The following BUD13 variants were observed in gnomAD, a reference collection of about 807,000 sequenced individuals.
BUD13 encodes the protein BUD13 spliceosome associated protein.
In BUD13, 47 loss-of-function variants were observed where a neutral mutation model predicts 62.5. The observed-to-expected ratio is 0.75, with a 90% CI of 0.60 to 0.96. BUD13 has a LOEUF of 0.96. Among genes scored for constraint, BUD13 ranks in the 40% least tolerant of loss-of-function variants. The probability of loss-of-function intolerance (pLI) is 0.00; values close to 1 mark genes in which losing one functional copy is unlikely to be tolerated. For synonymous variants in BUD13, 293 were observed against 280.1 expected (o/e 1.05, Z -0.46); for missense variants, 821 against 790.9 (o/e 1.04, Z -0.46).
At chr11:116,766,187 G>A (rs1361937048) in intron 2 of BUD13, among the ~76,000 whole-genome samples, 1 of 152,214 alleles carries the variant, frequency 6.6e-6, no homozygotes, top group Non-Finnish European at 1.5e-5. Context: ...AAGTCCACAT[G>A]ACAAACTTTC....
chr11:116,751,248 A>T (rs1940227136), intron 9 of BUD13, among the ~76,000 whole-genome samples: 1 of 152,220 alleles, frequency 6.6e-6, no homozygotes, highest in Non-Finnish European at 1.5e-5. Context: ...AATCCCTAGT[A>T]CCTACTACCT....
At position 116,757,223 on chromosome 11, in the gene BUD13, T is replaced by TCCCAA; in HGVS notation, c.1688_1689insTTGGG (p.Arg563SerfsTer72). The stretch of plus-strand genomic sequence containing the variant: ...GAGGTGCTGGACCACTGTAGCGAGG[T>TCCCAA]CTCACTAATGAGAGGAGTAAGAAAA... On this transcript the variant is annotated frameshift_variant, in exon 9 of 10. Coordinates refer to ENST00000260210, the MANE Select transcript of BUD13 (RefSeq NM_032725.4). LOFTEE classifies it high-confidence loss of function. 6.2e-7 allele frequency: 1 copy of TCCCAA among 1,613,746 alleles called. No homozygotes were observed. The highest frequency in any genetic ancestry group is 8.5e-7 in the Non-Finnish European group (1 of 1,179,728).
rs201793383 is a variant in BUD13, at chr11:116,763,218, G to A, written c.371C>T (p.Pro124Leu). Residue 124 changes from proline (P) to leucine (L), a missense_variant, in exon 4 of 10, where the codon CCG (proline) becomes CTG (leucine). By Grantham distance (98) the Pro-to-Leu change is moderately conservative. Coordinates refer to ENST00000260210, the MANE Select transcript of BUD13 (RefSeq NM_032725.4). ...PSNRHFRHDT[P>L]DSSPRRVRHG... ...ACGGACCCTCCTAGGAGATGAATCC[G>A]GGGTATCGTGACGAAAATGTCTGTT... 38 of 1,558,160 alleles carry A rather than the reference G, an allele frequency of 2.4e-5. No homozygotes were observed. The highest frequency in any genetic ancestry group is 5.5e-5 in the African/African-American group (4 of 73,098).
At chr11:116,758,981 A>G in intron 6 of BUD13, 93 bp downstream of exon 6, 1 of 895,426 alleles carries the variant, frequency 1.1e-6, no homozygotes, top group Non-Finnish European at 1.8e-6. Context: ...TTTGATAGCA[A>G]TTAAAAGTTC....
At position 116,763,025 on chromosome 11, in the gene BUD13, T is replaced by A. The variant is rs201831610; in HGVS notation, c.564A>T (p.Ser188=). 1.9e-6 allele frequency: 3 copies of A among 1,612,262 alleles called. No individual in the cohort carries two copies. Among genetic ancestry groups the A allele is most frequent in the Non-Finnish European group, 2.5e-6 (3 of 1,179,480 alleles). ...RRIRHDSSDT[S]PPRRARHDSP... is the part of the protein sequence containing the mutation. Reference sequence around the variant, plus strand: ...AATCATGACGGGCCCTCCTTGGGGGTGAAGTGTCTGAGGAGTCATGACGGA... The same window carrying A: ...AATCATGACGGGCCCTCCTTGGGGGAGAAGTGTCTGAGGAGTCATGACGGA... The change falls in exon 4 of 10, where the codon TCA becomes TCT. Residue 188 remains serine (S), a synonymous_variant. Transcript: ENST00000260210.
intron 3 of BUD13, among the ~76,000 whole-genome samples, chr11:116,765,126 A>G (rs45481294): frequency 4.2e-4 from 64 of 152,220 alleles, no homozygotes; most frequent in Non-Finnish European, 7.6e-4. Context: ...CCTCCAAATT[A>G]GTCACCAACC....
In BUD13 at chr11:116,759,137, T is replaced by C; in HGVS notation, c.1297A>G (p.Thr433Ala). 1.2e-6 allele frequency: 2 copies of C among 1,614,128 alleles called. No homozygotes were observed. The highest frequency in any genetic ancestry group is 1.7e-6 in the Non-Finnish European group (2 of 1,180,018). ...TCCTGCTGTTCTCGCTGTATGTCAGTTAACACCAACCCAGTTTTAGCCCCA... is the reference window on the plus strand; with the variant it reads ...TCCTGCTGTTCTCGCTGTATGTCAGCTAACACCAACCCAGTTTTAGCCCCA... ...YSGAKTGLVL[T>A]DIQREQQELK... is the part of the protein sequence containing the mutation. Residue 433 changes from threonine (T) to alanine (A), a missense_variant, in exon 6 of 10, where the codon ACT becomes GCT. Coordinates refer to ENST00000260210, the MANE Select transcript of BUD13 (RefSeq NM_032725.4).
intron 4 of BUD13, among the ~76,000 whole-genome samples, chr11:116,761,785 G>A (rs371279523): frequency 3.0e-4 from 45 of 152,308 alleles, no homozygotes; most frequent in African/African-American, 1.0e-3. Flanking sequence ...AAGTTCTAGC[G>A]ACTGTATAAG....
intron 3 of BUD13, among the ~76,000 whole-genome samples, chr11:116,763,512 C>T (rs1940476887): frequency 6.6e-6 from 1 of 152,000 alleles, no homozygotes; most frequent in Non-Finnish European, 1.5e-5. Flanking sequence ...CATATTATAC[C>T]CTTTAAGGTA....
At chr11:116,772,739 A>C in intron 1 of BUD13, 83 bp downstream of exon 1, 1 of 1,411,718 alleles carries the variant, frequency 7.1e-7, no homozygotes. Context: ...GCCAAGAGGG[A>C]AGGAACTGCC....
In BUD13 at chr11:116,770,149, C is replaced by T. The variant is rs758106000; in HGVS notation, c.217G>A (p.Asp73Asn). Residue 73 changes from aspartate (D) to asparagine (N), a missense_variant, in exon 2 of 10, where the codon GAT (aspartate) becomes AAT (asparagine). By Grantham distance (23) the Asp-to-Asn change is conservative. This residue lies in a region of BUD13 where 800 missense variants were observed against 739.2 expected (regional missense o/e 1.08). Transcript: ENST00000260210. ...TTKLEKEEEEDDGDLPVVAEF... is the reference protein window; with the variant it reads ...TTKLEKEEEENDGDLPVVAEF... Reference sequence around the variant, plus strand: ...CATACCACAGGCAAATCTCCATCATCTTCCTCTTCCTCCTTTTCTAGTTTG... The same window carrying T: ...CATACCACAGGCAAATCTCCATCATTTTCCTCTTCCTCCTTTTCTAGTTTG... 6.2e-7 allele frequency: 1 copy of T among 1,612,914 alleles called. No individual in the cohort carries two copies. Among genetic ancestry groups the T allele is most frequent in the East Asian group, 2.2e-5 (1 of 44,780 alleles).
Position 116,763,023 on chromosome 11 carries a change from G to A in BUD13, c.566C>T (p.Pro189Leu), listed in dbSNP as rs753535705. 8.7e-6 allele frequency: 14 copies of A among 1,613,540 alleles called. No individual in the cohort carries two copies. The highest frequency in any genetic ancestry group is 1.6e-4 in the Middle Eastern group (1 of 6,082). The change falls in exon 4 of 10, where the codon CCC becomes CTC. Residue 189 changes from proline (P) to leucine (L), a missense_variant. Transcript: ENST00000260210. ...RIRHDSSDTS[P>L]PRRARHDSPD... ...AGAATCATGACGGGCCCTCCTTGGGGGTGAAGTGTCTGAGGAGTCATGACG... is the reference window on the plus strand; with the variant it reads ...AGAATCATGACGGGCCCTCCTTGGGAGTGAAGTGTCTGAGGAGTCATGACG...
At chr11:116,759,856 G>C (rs1335898066) in intron 5 of BUD13, among the ~76,000 whole-genome samples, 2 of 152,138 alleles carry the variant, frequency 1.3e-5, no homozygotes, top group East Asian at 3.8e-4. Flanking sequence ...ACCCTGCCAG[G>C]ACCAGTCTTC....
At chr11:116,749,573 G>C (rs1404457512) in intron 9 of BUD13, among the ~76,000 whole-genome samples, 2 of 152,154 alleles carry the variant, frequency 1.3e-5, no homozygotes, top group African/African-American at 4.8e-5. Context: ...GAAGTGGCCT[G>C]GTATGTGCAG....
chr11:116,749,422 T>C (rs758439889), intron 9 of BUD13, among the ~76,000 whole-genome samples: 17 of 151,966 alleles, frequency 1.1e-4, no homozygotes, highest in Non-Finnish European at 2.2e-4. Context: ...GGAGGTATGA[T>C]AAAAAGGTGA....
At position 116,765,347 on chromosome 11, in the gene BUD13, A is replaced by G. The variant is rs770476845; in HGVS notation, c.322+15T>C. The G allele has an allele frequency of 2.5e-6, 4 of 1,613,460 alleles. No individual in the cohort carries two copies. The South Asian group carries it at 3.3e-5, about 13-fold the overall frequency. On this transcript the variant is annotated intron_variant, in intron 3 of 9. Transcript: ENST00000260210. ...TACTAATGGAAATTTAGATTTATCT[A>G]TTGTTGGAACTCACCTCCCAGAAGC... is the stretch of plus-strand genomic sequence containing the variant.
intron 4 of BUD13, 118 bp from the exon 5 acceptor site, chr11:116,761,070 A>ATTTT (rs374312645): frequency 3.2e-6 from 2 of 634,854 alleles, no homozygotes; most frequent in East Asian, 3.7e-5. Context: ...CATTATTATT[A>ATTTT]TTTTTTTTTT....
Position 116,748,383 on chromosome 11 carries a change from T to C in BUD13, c.*99A>G. 9.4e-7 allele frequency: 1 copy of C among 1,062,106 alleles called. No homozygotes were observed. Among genetic ancestry groups the C allele is most frequent in the Non-Finnish European group, 1.4e-6 (1 of 694,628 alleles). The allele number at this position is 1,062,106 out of a possible 1,614,324, so 65.8% of individuals were successfully genotyped here. On this transcript the variant is annotated 3_prime_UTR_variant, in exon 10 of 10. Coordinates refer to ENST00000260210, the MANE Select transcript of BUD13 (RefSeq NM_032725.4). ...TGGCATTCAACAAGTTGCTGGTCTG[T>C]GTGGGCTCCAATTATTAGCACAGAC...
chr11:116,772,614 T>C (rs1177526868), intron 1 of BUD13, among the ~76,000 whole-genome samples: 1 of 152,226 alleles, frequency 6.6e-6, no homozygotes, highest in Non-Finnish European at 1.5e-5. Flanking sequence ...GCACTGACGC[T>C]ACTGCTCAGA....
Sources: gnomAD v4.1 joint callset for allele counts (sites outside exome capture counted in the v4.1 genomes callset) on GRCh38, gnomAD v4.1.1 for gene constraint, gnomAD v4.1.1 regional missense constraint, MANE v1.5 for transcripts, NCBI Gene and HGNC (gene_info 2026-07-23, HGNC 2026-07-21) for gene names.